Variants in BCOR observed in about 807,000 individuals in gnomAD.
BCOR encodes BCL6 corepressor.
BCOR carries 10 observed loss-of-function variants against 86.7 expected under a neutral mutation model. The observed-to-expected ratio is 0.12, with a 90% CI of 0.07 to 0.20. The LOEUF (loss-of-function observed/expected upper bound fraction) is 0.20. BCOR is among the 10% of genes least tolerant of loss of function. BCOR has a pLI of 1.00. For missense variants in BCOR, 1,259 were observed against 1,452.1 expected (o/e 0.87, Z 2.16); for synonymous variants, 611 against 609.0 (o/e 1.00, Z -0.05).
chrX:40,129,490 AAAAG>A (rs1162319184), intron 1 of BCOR, among the ~76,000 whole-genome samples: 5 of 110,576 alleles, frequency 4.5e-5, no homozygotes, highest in African/African-American at 1.3e-4. Flanking sequence ...CAAAAAAAAA[AAAAG>A]AAGAAGAGGA....
chrX:40,161,198 GTTTTTTTTTGTTTTTTGGGT>G (rs1273766064), intron 1 of BCOR, among the ~76,000 whole-genome samples: 1 of 100,330 alleles, frequency 1.0e-5, no homozygotes, highest in Non-Finnish European at 2.0e-5. Flanking sequence ...GTTTTTTGGG[GTTTTTTTTTGTTTTTTGGGT>G]TTTTTTGAGA....
chrX:40,117,960 TTCTCTC>T (rs747544385), intron 1 of BCOR, among the ~76,000 whole-genome samples: 10 of 94,444 alleles, frequency 1.1e-4, no homozygotes, highest in South Asian at 4.7e-4. Flanking sequence ...CTCGCACTCT[TTCTCTC>T]TCTCTCTCTC....
intron 1 of BCOR, among the ~76,000 whole-genome samples, chrX:40,109,526 G>A (rs923313230): frequency 8.9e-6 from 1 of 112,011 alleles, no homozygotes; most frequent in African/African-American, 3.2e-5. Flanking sequence ...GGCCCCGGGC[G>A]GCGGAGCCAA....
intron 1 of BCOR, among the ~76,000 whole-genome samples, chrX:40,112,596 C>T (rs1397018042): frequency 5.4e-5 from 6 of 111,496 alleles, no homozygotes; most frequent in Non-Finnish European, 1.1e-4. Context: ...AGTCCATGGT[C>T]CTAATCACTT....
intron 1 of BCOR, among the ~76,000 whole-genome samples, chrX:40,137,174 C>A (rs757222712): frequency 1.8e-5 from 2 of 112,404 alleles, no homozygotes; most frequent in Non-Finnish European, 3.7e-5. Flanking sequence ...GGCAGATACA[C>A]CTCAATGTCA....
chrX:40,057,189 C>A lies in BCOR; in HGVS notation c.4561G>T (p.Ala1521Ser). The change falls in exon 11 of 15, where the codon GCT becomes TCT. Residue 1521 changes from alanine to serine, a missense_variant. This residue lies in a region of BCOR where 47 missense variants were observed against 102.1 expected (regional missense o/e 0.46). Coordinates refer to ENST00000378444, the MANE Select transcript of BCOR (RefSeq NM_001123385.2). The stretch of plus-strand genomic sequence containing the variant: ...TCCTGGGCACTACAGTTGACATCAG[C>A]GCCATATTCAAGGAGGTGTCGCACA... ...NIVRHLLEYG[A>S]DVNCSAQDGT... 2.5e-6 allele frequency: 3 copies of A among 1,211,842 alleles called. No homozygotes were observed. The highest frequency in any genetic ancestry group is 3.3e-6 in the Non-Finnish European group (3 of 895,537).
chrX:40,090,180 TG>T (rs1389173927), intron 1 of BCOR, among the ~76,000 whole-genome samples: 1 of 112,635 alleles, frequency 8.9e-6, no homozygotes, highest in Non-Finnish European at 1.9e-5. Context: ...GGCCCTGGAC[TG>T]GTTACTCCTC....
At chrX:40,105,104 A>AGCG (rs1233748474) in intron 1 of BCOR, among the ~76,000 whole-genome samples, 3 of 111,010 alleles carry the variant, frequency 2.7e-5, no homozygotes, top group Non-Finnish European at 5.7e-5. Flanking sequence ...TATCAGCAGC[A>AGCG]GCGGCGGCGG....
chrX:40,091,939 G>A (rs772765012), intron 1 of BCOR, among the ~76,000 whole-genome samples: 1 of 113,233 alleles, frequency 8.8e-6, no homozygotes, highest in East Asian at 2.8e-4. Flanking sequence ...CTGGGGCACC[G>A]AGGCAATAAG....
chrX:40,175,335 G>C (rs1388623379), intron 1 of BCOR, among the ~76,000 whole-genome samples: 1 of 113,509 alleles, frequency 8.8e-6, no homozygotes, highest in Non-Finnish European at 1.9e-5. Flanking sequence ...GGATTTTCGC[G>C]GCCCGGGCCC....
chrX:40,135,744 G>A (rs1221263845), intron 1 of BCOR, among the ~76,000 whole-genome samples: 1 of 111,446 alleles, frequency 9.0e-6, no homozygotes, highest in African/African-American at 3.3e-5. Flanking sequence ...CATCTTCCCA[G>A]GTTTCCTGAG....
At chrX:40,103,312 AGTGT>A (rs1937107683) in intron 1 of BCOR, among the ~76,000 whole-genome samples, 1 of 111,580 alleles carries the variant, frequency 9.0e-6, no homozygotes, top group African/African-American at 3.3e-5. Context: ...ATGATTTAAA[AGTGT>A]GTGTTTGCAG....
At chrX:40,085,446 G>A (rs1238360009) in intron 1 of BCOR, among the ~76,000 whole-genome samples, 1 of 111,429 alleles carries the variant, frequency 9.0e-6, no homozygotes, top group Non-Finnish European at 1.9e-5. Context: ...AATGGCACAC[G>A]TCATAAAAAG....
At chrX:40,149,438 G>A (rs1219347516) in intron 1 of BCOR, among the ~76,000 whole-genome samples, 6 of 111,234 alleles carry the variant, frequency 5.4e-5, no homozygotes, top group African/African-American at 2.0e-4. Context: ...AGACAGGAAC[G>A]GCAAGTTCAG....
chrX:40,091,340 A>G (rs937547849), intron 1 of BCOR, among the ~76,000 whole-genome samples: 2 of 112,065 alleles, frequency 1.8e-5, no homozygotes. Flanking sequence ...TATACTGGAA[A>G]CTGTCTTTTA....
At chrX:40,061,716 C>A (rs911521821) in intron 10 of BCOR, among the ~76,000 whole-genome samples, 1 of 98,118 alleles carries the variant, frequency 1.0e-5, no homozygotes, top group Non-Finnish European at 2.1e-5. Context: ...CCTACTCCCC[C>A]TACACGGCCA....
Position 40,163,956 on chromosome X carries a change from G to A in BCOR, c.-41+13051C>T, listed in dbSNP as rs72623231. ...GGAGAATCTCTTGAACCTGGAAGGC[G>A]GAGGTTGCGGTGAGCCGAGATGGTG... On this transcript the variant is annotated intron_variant, in intron 1 of 14. Coordinates refer to the BCOR transcript ENST00000342274. Among the ~76,000 whole-genome samples the A allele has an allele frequency of 2.2e-4, 24 of 109,100 alleles. No homozygotes were observed. The East Asian group carries it at 5.5e-3, about 25-fold the overall frequency. 94.7% of individuals were successfully genotyped at this position (109,100 alleles called of 115,157 possible).
chrX:40,151,477 A>G, intron 1 of BCOR, among the ~76,000 whole-genome samples: 1 of 112,843 alleles, frequency 8.9e-6, no homozygotes, highest in Admixed American at 9.3e-5. Context: ...CTAGTACCCG[A>G]GCCTTGGATT....
chrX:40,086,454 T>C (rs916778082), intron 1 of BCOR, among the ~76,000 whole-genome samples: 14 of 113,159 alleles, frequency 1.2e-4, no homozygotes, highest in African/African-American at 4.5e-4. Context: ...CCGTGGGCCT[T>C]CTCCCGCCAC....
Sources: gnomAD v4.1 joint callset for allele counts (sites outside exome capture counted in the v4.1 genomes callset) on GRCh38, gnomAD v4.1.1 for gene constraint, gnomAD v4.1.1 regional missense constraint, MANE v1.5 for transcripts, NCBI Gene and HGNC (gene_info 2026-07-23, HGNC 2026-07-21) for gene names.